Variants in AKAP7 observed in about 807,000 individuals in gnomAD.
AKAP7 encodes A-kinase anchoring protein 7.
Under a neutral mutation model 39.5 loss-of-function variants are expected in AKAP7, and 39 were observed. The ratio of observed to expected loss-of-function variants is 0.99; its 90% CI spans 0.76 to 1.29. The LOEUF is 1.29. AKAP7 is among the 50% of genes most tolerant of loss of function. AKAP7 has a pLI of 0.00. For missense variants in AKAP7, 414 were observed against 407.7 expected, an observed-to-expected ratio of 1.02 and a Z score of -0.13; for synonymous variants, 140 against 139.1, an observed-to-expected ratio of 1.01 and a Z score of -0.05.
intron 6 of AKAP7, among the ~76,000 whole-genome samples, chr6:131,205,208 C>T (rs188280353): frequency 1.4e-4 from 22 of 152,040 alleles, no homozygotes; most frequent in Admixed American, 7.2e-4. Context: ...TTTTAATCAT[C>T]TAGTCATTGT....
intron 7 of AKAP7, among the ~76,000 whole-genome samples, chr6:131,226,882 A>T (rs775534527): frequency 1.1e-3 from 170 of 152,338 alleles, no homozygotes; most frequent in Non-Finnish European, 2.1e-3. Flanking sequence ...TTCAACATTA[A>T]TGAATGTTAC....
At chr6:131,153,311 T>C (rs976961703) in intron 2 of AKAP7, among the ~76,000 whole-genome samples, 1 of 152,172 alleles carries the variant, frequency 6.6e-6, no homozygotes, top group Non-Finnish European at 1.5e-5. Flanking sequence ...CTACACACTG[T>C]CTGTGATGCC....
At chr6:131,175,356 G>A (rs1804477593) in intron 5 of AKAP7, among the ~76,000 whole-genome samples, 1 of 152,120 alleles carries the variant, frequency 6.6e-6, no homozygotes, top group South Asian at 2.1e-4. Flanking sequence ...AACCTGTGTT[G>A]TTCAAAGTTT....
At chr6:131,143,642 C>T (rs1477012381) in intron 1 of AKAP7, among the ~76,000 whole-genome samples, 3 of 151,584 alleles carry the variant, frequency 2.0e-5, no homozygotes, top group African/African-American at 7.3e-5. Context: ...TGTGTGTGAA[C>T]AATAGTAGAG....
intron 5 of AKAP7, among the ~76,000 whole-genome samples, chr6:131,198,018 CAT>C (rs1234440170): frequency 6.6e-6 from 1 of 152,156 alleles, no homozygotes; most frequent in Non-Finnish European, 1.5e-5. Context: ...TTCTTTGAAA[CAT>C]ATGACTACTT....
intron 7 of AKAP7, among the ~76,000 whole-genome samples, chr6:131,267,145 A>T (rs528777381): frequency 1.3e-4 from 20 of 152,332 alleles, no homozygotes; most frequent in Non-Finnish European, 2.2e-4. Context: ...AATATTATGA[A>T]AAAATATTTT....
chr6:131,134,800 A>G (rs1048298073), upstream of AKAP7, among the ~76,000 whole-genome samples: 1 of 152,224 alleles, frequency 6.6e-6, no homozygotes, highest in African/African-American at 2.4e-5. Flanking sequence ...AAGTGTTATT[A>G]TTCACGAAAG....
chr6:131,210,832 A>G (rs1808577325), intron 6 of AKAP7, among the ~76,000 whole-genome samples: 1 of 151,984 alleles, frequency 6.6e-6, no homozygotes, highest in South Asian at 2.1e-4. Flanking sequence ...AATCTTACCC[A>G]TTCCATGTTT....
intron 7 of AKAP7, among the ~76,000 whole-genome samples, chr6:131,227,923 G>A (rs1464242080): frequency 6.6e-6 from 1 of 152,154 alleles, no homozygotes; most frequent in East Asian, 1.9e-4. Context: ...GGCTTGTTGT[G>A]GTTCACCCAG....
Position 131,173,200 on chromosome 6 carries a change from CAAAAAAA to C in AKAP7, c.589+3937_589+3943del, listed in dbSNP as rs67550717. 7.2e-4 allele frequency among the ~76,000 whole-genome samples: 78 copies of C among 108,936 alleles called. 1 individual carries two copies. Among genetic ancestry groups the C allele is most frequent in the African/African-American group, 2.6e-3 (74 of 28,336 alleles). 71.5% of individuals were successfully genotyped at this position (108,936 alleles called of 152,430 possible). A position where few individuals can be genotyped will look rare whatever the true frequency, so the allele number is the denominator to read the frequency against. ...TAGGTGACAGAGCGAGACTCCATCT[CAAAAAAA>C]AAAAAAAAAGAAAAAAGAAAAAATT... On this transcript the variant is annotated intron_variant, in intron 5 of 7. Transcript: ENST00000431975.
chr6:131,245,998 T>C (rs1407733983), intron 7 of AKAP7, among the ~76,000 whole-genome samples: 1 of 151,940 alleles, frequency 6.6e-6, no homozygotes, highest in Non-Finnish European at 1.5e-5. Flanking sequence ...TTGGTAAGAA[T>C]TGATAATTTG....
In AKAP7 at chr6:131,281,693, G is replaced by A; in HGVS notation, c.1014G>A (p.Gln338=). 1 of 1,611,562 alleles carries A rather than the reference G, an allele frequency of 6.2e-7. No homozygotes were observed. Among genetic ancestry groups the A allele is most frequent in the Non-Finnish European group, 8.5e-7 (1 of 1,178,958 alleles). ...CTGTGAAAACCGAAGCAGCTGATCA[G>A]AATGGCAATGACAATGAGAACAACA... is the stretch of plus-strand genomic sequence containing the variant. The part of the protein sequence containing the change: ...GSSVKTEAAD[Q]NGNDNENNRK The change falls in exon 8 of 8, where the codon CAG becomes CAA. Residue 338 remains glutamine, a synonymous_variant. Coordinates refer to ENST00000431975, the MANE Select transcript of AKAP7 (RefSeq NM_016377.4). This position sits in a 1 kb window ranked among gnomAD's most constrained non-coding sequence, Gnocchi z 4.0.
intron 1 of AKAP7, among the ~76,000 whole-genome samples, chr6:131,143,605 C>G (rs1004586540): frequency 9.9e-5 from 15 of 151,886 alleles, no homozygotes; most frequent in Middle Eastern, 3.2e-3. Flanking sequence ...TATAGCAATG[C>G]GAATGGACTA....
intron 1 of AKAP7, among the ~76,000 whole-genome samples, chr6:131,143,344 G>A (rs960040549): frequency 4.6e-5 from 7 of 152,114 alleles, no homozygotes; most frequent in Admixed American, 2.0e-4. Context: ...GAATGCCTTC[G>A]TGCCCTCCCT....
intron 2 of AKAP7, among the ~76,000 whole-genome samples, chr6:131,151,760 T>C (rs1358653730): frequency 1.3e-5 from 2 of 152,138 alleles, no homozygotes; most frequent in Admixed American, 1.3e-4. Context: ...AAAAATATCC[T>C]ATGAAATATA....
At chr6:131,150,304 A>G (rs1344752512) in intron 2 of AKAP7, among the ~76,000 whole-genome samples, 2 of 152,186 alleles carry the variant, frequency 1.3e-5, no homozygotes, top group East Asian at 3.8e-4. Context: ...GCTACTTATT[A>G]ATCCTAACAA....
intron 2 of AKAP7, among the ~76,000 whole-genome samples, chr6:131,158,915 TA>T (rs34120369): frequency 0.23 from 33,026 of 145,910 alleles, 4,106 homozygotes; most frequent in Non-Finnish European, 0.29. Flanking sequence ...TAGAATCTGT[TA>T]AAAAAAAAAA....
chr6:131,139,318 CTAT>C (rs924018279), intron 1 of AKAP7, among the ~76,000 whole-genome samples: 1 of 151,956 alleles, frequency 6.6e-6, no homozygotes, highest in Non-Finnish European at 1.5e-5. Context: ...TTAATAATTC[CTAT>C]TATTCTATAG....
At chr6:131,271,153 T>C (rs1417512159) in intron 7 of AKAP7, among the ~76,000 whole-genome samples, 2 of 152,210 alleles carry the variant, frequency 1.3e-5, no homozygotes, top group African/African-American at 4.8e-5. Flanking sequence ...CTAAGGTCAC[T>C]AAGAAGTTCT....
Sources: gnomAD v4.1 joint callset for allele counts (sites outside exome capture counted in the v4.1 genomes callset) on GRCh38, gnomAD v4.1.1 for gene constraint, Gnocchi (gnomAD v3.1) non-coding constraint, MANE v1.5 for transcripts, NCBI Gene and HGNC (gene_info 2026-07-23, HGNC 2026-07-21) for gene names.